Variants in RARB observed in about 807,000 individuals in gnomAD.
RARB encodes HBV-activated protein.
In RARB, 17 loss-of-function variants were observed where a neutral mutation model predicts 51.9. The observed-to-expected ratio is 0.33, with a 90% CI of 0.22 to 0.49. The LOEUF is 0.49. Among genes scored for constraint, RARB ranks in the 20% least tolerant of loss-of-function variants. The probability of loss-of-function intolerance (pLI) is 0.99; values close to 1 mark genes in which losing one functional copy is unlikely to be tolerated. For missense variants in RARB, 369 were observed against 550.8 expected, an observed-to-expected ratio of 0.67 and a Z score of 3.30; for synonymous variants, 215 against 195.4, an observed-to-expected ratio of 1.10 and a Z score of -0.84.
chr3:25,175,297 A>G lies in RARB; in HGVS notation c.178+722A>G, dbSNP rs115120364. On this transcript the variant is annotated intron_variant, in intron 5 of 11. Transcript: ENST00000383772. ...AGCCAGCGAGCTTTTCCACCTGTTAATAACAACTTACTTGGTTTAGCATCT... is the reference window on the plus strand; with the variant it reads ...AGCCAGCGAGCTTTTCCACCTGTTAGTAACAACTTACTTGGTTTAGCATCT... Among the ~76,000 whole-genome samples, 686 of 152,328 alleles carry G rather than the reference A, an allele frequency of 4.5e-3. 14 individuals are homozygous for G. Among genetic ancestry groups the G allele is most frequent in the South Asian group, 0.041 (197 of 4,830 alleles).
chr3:25,110,657 A>C (rs1331116342), intron 3 of RARB, among the ~76,000 whole-genome samples: 1 of 152,204 alleles, frequency 6.6e-6, no homozygotes, highest in Non-Finnish European at 1.5e-5. Flanking sequence ...ATTATGTCTT[A>C]TTTCAGGAGA....
At chr3:25,009,225 G>T (rs1158396268) in intron 2 of RARB, among the ~76,000 whole-genome samples, 1 of 152,108 alleles carries the variant, frequency 6.6e-6, no homozygotes, top group Non-Finnish European at 1.5e-5. Context: ...TAAGAGAGAG[G>T]CCATGGGTGT....
chr3:25,044,505 T>G lies in RARB; in HGVS notation c.-379-15620T>G, dbSNP rs536745219. On this transcript the variant is annotated intron_variant, in intron 2 of 11. Transcript: ENST00000383772. The stretch of plus-strand genomic sequence containing the variant: ...GGGCTAAAAAAAACAAATCCTCGAG[T>G]TCTCACTTATCAGACCTTGTCGTAG... Among the ~76,000 whole-genome samples the G allele has an allele frequency of 3.3e-5, 5 of 152,140 alleles. No individual in the cohort carries two copies. The East Asian group carries it at 9.7e-4, about 29-fold the overall frequency.
chr3:25,502,110 C>T (rs551687704), intron 3 of RARB, among the ~76,000 whole-genome samples: 1 of 152,332 alleles, frequency 6.6e-6, no homozygotes, highest in East Asian at 1.9e-4. Flanking sequence ...TGTGGGGCTG[C>T]TGCTCTTTCT....
intron 2 of RARB, among the ~76,000 whole-genome samples, chr3:24,981,926 C>A (rs547890565): frequency 6.6e-6 from 1 of 152,130 alleles, no homozygotes; most frequent in East Asian, 1.9e-4. Flanking sequence ...AGAATCACCC[C>A]TAAATTTTCT....
At chr3:25,026,721 T>C (rs1697757934) in intron 2 of RARB, among the ~76,000 whole-genome samples, 1 of 152,342 alleles carries the variant, frequency 6.6e-6, no homozygotes, top group Non-Finnish European at 1.5e-5. Flanking sequence ...TTTTTACGTG[T>C]ATCTCTATGG....
At chr3:25,545,957 A>C (rs1239273589) in intron 3 of RARB, among the ~76,000 whole-genome samples, 1 of 152,196 alleles carries the variant, frequency 6.6e-6, no homozygotes, top group African/African-American at 2.4e-5. Context: ...TTTTTGATGA[A>C]TTAGTTAAGG....
At chr3:25,217,057 T>A (rs1329457506) in intron 5 of RARB, among the ~76,000 whole-genome samples, 1 of 152,192 alleles carries the variant, frequency 6.6e-6, no homozygotes, top group Non-Finnish European at 1.5e-5. Flanking sequence ...GCTATCTAAT[T>A]GTCTTTCTTG....
intron 2 of RARB, among the ~76,000 whole-genome samples, chr3:24,931,469 T>C (rs1178930487): frequency 6.6e-6 from 1 of 152,046 alleles, no homozygotes; most frequent in Non-Finnish European, 1.5e-5. Context: ...ACCTCAGTGC[T>C]CTTTACTTCC....
intron 5 of RARB, among the ~76,000 whole-genome samples, chr3:25,308,563 C>T (rs1356518996): frequency 6.6e-6 from 1 of 151,798 alleles, no homozygotes; most frequent in Admixed American, 6.6e-5. Flanking sequence ...ATTCTCGTGC[C>T]TCAGCCTCCA....
intron 5 of RARB, among the ~76,000 whole-genome samples, chr3:25,361,985 T>C (rs1416820445): frequency 1.3e-5 from 2 of 152,188 alleles, no homozygotes; most frequent in Non-Finnish European, 2.9e-5. Flanking sequence ...AGGCAGTCTG[T>C]CCCTTAACAG....
At chr3:25,532,192 C>T (rs1337848322) in intron 3 of RARB, among the ~76,000 whole-genome samples, 2 of 152,208 alleles carry the variant, frequency 1.3e-5, no homozygotes, top group African/African-American at 4.8e-5. Context: ...AGAAAGTCTA[C>T]ACATTCCATA....
intron 5 of RARB, among the ~76,000 whole-genome samples, chr3:25,310,690 G>T (rs1200050292): frequency 1.3e-5 from 2 of 152,140 alleles, no homozygotes; most frequent in Non-Finnish European, 2.9e-5. Context: ...AACCCTCCTT[G>T]TCTGGGCTAC....
At chr3:25,545,905 A>G (rs1699598442) in intron 3 of RARB, among the ~76,000 whole-genome samples, 1 of 152,204 alleles carries the variant, frequency 6.6e-6, no homozygotes. Flanking sequence ...AGAAGACAAA[A>G]CAAGAAGTGA....
rs149976069 is a variant in RARB, at chr3:25,309,486, C to CT, written c.178+134940dup. ...CTGATTCCTTAACATCTCATAGTTG[C>CT]TTTTTTTTTTTTTTTTTTTTTTTTT... On this transcript the variant is annotated intron_variant, in intron 5 of 11. Coordinates refer to the RARB transcript ENST00000383772. Among the ~76,000 whole-genome samples the CT allele has an allele frequency of 3.5e-3, 203 of 58,082 alleles. 46 individuals carry two copies. The highest frequency in any genetic ancestry group is 9.7e-3 in the East Asian group (18 of 1,862). 38.1% of individuals were successfully genotyped at this position (58,082 alleles called of 152,430 possible).
chr3:25,204,798 A>G (rs1416285417), intron 5 of RARB, among the ~76,000 whole-genome samples: 1 of 152,184 alleles, frequency 6.6e-6, no homozygotes, highest in Admixed American at 6.5e-5. Flanking sequence ...TTTGTCTCAG[A>G]GTAGTACCCA....
At chr3:25,215,304 C>CT (rs747864836) in intron 5 of RARB, among the ~76,000 whole-genome samples, 10 of 152,048 alleles carry the variant, frequency 6.6e-5, no homozygotes, top group African/African-American at 9.6e-5. Context: ...ATTAATGTGA[C>CT]TTTTTTTTAA....
chr3:24,963,226 C>T (rs1480758452), intron 2 of RARB, among the ~76,000 whole-genome samples: 6 of 152,008 alleles, frequency 3.9e-5, no homozygotes, highest in East Asian at 1.9e-4. Flanking sequence ...TCCTTGGCCC[C>T]TTGGCTGTTT....
chr3:25,227,133 G>A (rs958875089), intron 5 of RARB, among the ~76,000 whole-genome samples: 10 of 152,172 alleles, frequency 6.6e-5, no homozygotes, highest in African/African-American at 4.8e-5. Context: ...TTTAAGAGAT[G>A]TTCTTTGATG....
Sources: gnomAD v4.1 joint callset for allele counts (sites outside exome capture counted in the v4.1 genomes callset) on GRCh38, gnomAD v4.1.1 for gene constraint, MANE v1.5 for transcripts, NCBI Gene and HGNC (gene_info 2026-07-23, HGNC 2026-07-21) for gene names.